GALNT13: variants seen among roughly 807,000 people sequenced by gnomAD.
GALNT13 encodes polypeptide N-acetylgalactosaminyltransferase 13.
A neutral mutation model predicts 64.2 loss-of-function variants in GALNT13; 28 were observed. That is an observed-to-expected ratio of 0.44 (90% CI 0.32 to 0.60). The LOEUF (loss-of-function observed/expected upper bound fraction) is 0.60, where lower values mean the gene tolerates loss of function less well. GALNT13 is among the 20% of genes least tolerant of loss of function. GALNT13 has a pLI of 0.05. For missense variants in GALNT13, 577 were observed against 669.8 expected, an observed-to-expected ratio of 0.86 and a Z score of 1.53; for synonymous variants, 214 against 224.6, an observed-to-expected ratio of 0.95 and a Z score of 0.42.
chr2:153,153,032 A>T, the GALNT13 span, among the ~76,000 whole-genome samples: 1 of 152,208 alleles, frequency 6.6e-6, no homozygotes, highest in Admixed American at 6.5e-5. Flanking sequence ...CCAACGGTGT[A>T]TAAGAGTTCA....
chr2:153,477,025 G>A, the GALNT13 span, among the ~76,000 whole-genome samples: 1 of 152,194 alleles, frequency 6.6e-6, no homozygotes, highest in Non-Finnish European at 1.5e-5. Context: ...TGGCACGGAA[G>A]TGTAATCTTC....
chr2:154,034,764 G>T (rs1698556879), intron 3 of GALNT13, among the ~76,000 whole-genome samples: 1 of 134,918 alleles, frequency 7.4e-6, no homozygotes, highest in East Asian at 2.0e-4. Flanking sequence ...TGATACAAAA[G>T]ATATGATTTC....
At chr2:153,998,657 G>A (rs1436978074) in intron 3 of GALNT13, among the ~76,000 whole-genome samples, 1 of 152,086 alleles carries the variant, frequency 6.6e-6, no homozygotes, top group East Asian at 1.9e-4. Flanking sequence ...GATCCCATTT[G>A]TCAATTTTGG....
At chr2:153,615,457 C>G in the GALNT13 span, among the ~76,000 whole-genome samples, 1 of 152,004 alleles carries the variant, frequency 6.6e-6, no homozygotes, top group Non-Finnish European at 1.5e-5. Context: ...TCAAACTGCT[C>G]TCTATAGAAG....
intron 4 of GALNT13, among the ~76,000 whole-genome samples, chr2:154,145,882 G>T (rs1683563044): frequency 6.6e-6 from 1 of 151,926 alleles, no homozygotes; most frequent in South Asian, 2.1e-4. Flanking sequence ...AGCATTGATT[G>T]CACAAAGGAG....
At chr2:154,057,567 A>G (rs576503314) in intron 3 of GALNT13, among the ~76,000 whole-genome samples, 9 of 152,208 alleles carry the variant, frequency 5.9e-5, no homozygotes, top group Non-Finnish European at 1.3e-4. Flanking sequence ...ACATTAACAG[A>G]TAACCCAAAT....
intron 8 of GALNT13, among the ~76,000 whole-genome samples, chr2:154,268,511 C>A (rs965193761): frequency 6.6e-6 from 1 of 152,060 alleles, no homozygotes; most frequent in Admixed American, 6.6e-5. Flanking sequence ...GACAGCCTCA[C>A]AAGTTTCACC....
At chr2:153,462,512 C>T in the GALNT13 span, among the ~76,000 whole-genome samples, 1 of 152,110 alleles carries the variant, frequency 6.6e-6, no homozygotes, top group Non-Finnish European at 1.5e-5. Context: ...AAGGCAAAAT[C>T]AATGGCAGTT....
the GALNT13 span, among the ~76,000 whole-genome samples, chr2:153,596,151 G>C: frequency 6.6e-6 from 1 of 152,190 alleles, no homozygotes; most frequent in Non-Finnish European, 1.5e-5. Context: ...TTCCATCTCA[G>C]ATTTCATAGG....
chr2:153,863,668 TC>T, the GALNT13 span, among the ~76,000 whole-genome samples: 1 of 152,172 alleles, frequency 6.6e-6, no homozygotes, highest in Non-Finnish European at 1.5e-5. Flanking sequence ...GTTTTGCCAT[TC>T]TAATGAATTA....
At chr2:153,501,371 G>A in the GALNT13 span, among the ~76,000 whole-genome samples, 18 of 151,554 alleles carry the variant, frequency 1.2e-4, no homozygotes, top group African/African-American at 3.6e-4. Flanking sequence ...GCCCTCTGTC[G>A]CCCAGGCTGG....
chr2:153,608,807 TATA>T, the GALNT13 span, among the ~76,000 whole-genome samples: 1 of 147,660 alleles, frequency 6.8e-6, no homozygotes, highest in African/African-American at 2.4e-5. Flanking sequence ...TTTTATTACA[TATA>T]ATATATACCC....
At chr2:153,585,691 G>A in the GALNT13 span, among the ~76,000 whole-genome samples, 11 of 151,982 alleles carry the variant, frequency 7.2e-5, no homozygotes, top group Admixed American at 1.3e-4. Context: ...GAAACTGCTC[G>A]GTCATCTATA....
chr2:153,777,902 G>A, the GALNT13 span, among the ~76,000 whole-genome samples: 1 of 152,180 alleles, frequency 6.6e-6, no homozygotes, highest in South Asian at 2.1e-4. Context: ...TGTATCCCGG[G>A]TTCTTGCCTT....
At chr2:153,876,365 A>G (rs1488665514) in intron 1 of GALNT13, among the ~76,000 whole-genome samples, 1 of 152,148 alleles carries the variant, frequency 6.6e-6, no homozygotes, top group South Asian at 2.1e-4. Context: ...ATCAAGGCAC[A>G]TTGTTGAAGG....
chr2:153,431,509 A>T, the GALNT13 span, among the ~76,000 whole-genome samples: 2 of 152,208 alleles, frequency 1.3e-5, no homozygotes, highest in Non-Finnish European at 2.9e-5. Flanking sequence ...CAAAAACAGC[A>T]AAGAAGTTAG....
chr2:153,603,840 A>G, the GALNT13 span, among the ~76,000 whole-genome samples: 1 of 152,010 alleles, frequency 6.6e-6, no homozygotes, highest in Non-Finnish European at 1.5e-5. Flanking sequence ...ATGTGGCTCA[A>G]AGAGTCTTGT....
intron 3 of GALNT13, among the ~76,000 whole-genome samples, chr2:154,039,518 TA>T: frequency 7.2e-6 from 1 of 139,654 alleles, no homozygotes; most frequent in Middle Eastern, 4.0e-3. Context: ...CACAAAAAGA[TA>T]AGTACTGCAT....
chr2:154,290,177 T>C (rs571278329), intron 8 of GALNT13, among the ~76,000 whole-genome samples: 1 of 152,314 alleles, frequency 6.6e-6, no homozygotes, highest in East Asian at 1.9e-4. Flanking sequence ...CACTCTCCCA[T>C]TCAAACAAGT....
Sources: gnomAD v4.1 joint callset for allele counts (sites outside exome capture counted in the v4.1 genomes callset) on GRCh38, gnomAD v4.1.1 for gene constraint, MANE v1.5 for transcripts, NCBI Gene and HGNC (gene_info 2026-07-23, HGNC 2026-07-21) for gene names.